Variants in CSNK1D observed in about 807,000 individuals in gnomAD.
CSNK1D encodes the protein casein kinase I isoform delta.
In CSNK1D, 16 loss-of-function variants were observed where a neutral mutation model predicts 46.6. The observed-to-expected ratio is 0.34, with a 90% CI of 0.23 to 0.52. The LOEUF is 0.52. Among genes scored for constraint, CSNK1D ranks in the 20% least tolerant of loss-of-function variants. CSNK1D has a pLI of 0.95. For synonymous variants in CSNK1D, 276 were observed against 228.2 expected (o/e 1.21, Z -1.89); for missense variants, 398 against 578.4 (o/e 0.69, Z 3.20).
At chr17:82,262,130 GTTTC>G (rs1279074984) in intron 2 of CSNK1D, among the ~76,000 whole-genome samples, 2 of 152,214 alleles carry the variant, frequency 1.3e-5, no homozygotes, top group Non-Finnish European at 2.9e-5. Context: ...GCTACTTTTA[GTTTC>G]TTTCTACTAT....
At chr17:82,268,765 A>C (rs1393796205) in intron 1 of CSNK1D, among the ~76,000 whole-genome samples, 1 of 152,162 alleles carries the variant, frequency 6.6e-6, no homozygotes, top group Non-Finnish European at 1.5e-5. Flanking sequence ...TTAGTCCTAC[A>C]AAAACAAAAT....
Position 82,273,497 on chromosome 17 carries a change from A to C in CSNK1D, c.-116T>G. On this transcript the variant is annotated 5_prime_UTR_variant, in exon 1 of 9. The change abolishes the stop of an existing upstream ORF in the 5' untranslated region. Coordinates refer to ENST00000314028, the MANE Select transcript of CSNK1D (RefSeq NM_001893.6). This position sits in a 1 kb window ranked among gnomAD's most constrained non-coding sequence, Gnocchi z 5.1. ...TCCGGCTCCCGGCTCCGCCCCCCTC[A>C]CGGCCCCGCTTTCACCATCGCTTTC... 1 of 1,269,390 alleles carries C rather than the reference A, an allele frequency of 7.9e-7. No individual in the cohort carries two copies. The highest frequency in any genetic ancestry group is 1.1e-6 in the Non-Finnish European group (1 of 906,570). 78.6% of individuals were successfully genotyped at this position (1,269,390 alleles called of 1,614,324 possible).
At chr17:82,265,178 ATTTT>A (rs111692114) in intron 2 of CSNK1D, 3 of 175,168 alleles carry the variant, frequency 1.7e-5, no homozygotes, top group Admixed American at 1.2e-4. Flanking sequence ...ATGGTATAAG[ATTTT>A]TTTTTTTTTT....
intron 2 of CSNK1D, among the ~76,000 whole-genome samples, chr17:82,261,377 C>G (rs1426638588): frequency 2.6e-5 from 4 of 152,158 alleles, no homozygotes; most frequent in Non-Finnish European, 5.9e-5. Context: ...ACTTTTCCCT[C>G]ATGGTGCCCG....
At chr17:82,273,746 C>T (rs2147240378), upstream of CSNK1D, 1 of 474,264 alleles carries the variant, frequency 2.1e-6, no homozygotes, top group African/African-American at 2.1e-5. This position sits in a 1 kb window ranked among gnomAD's most constrained non-coding sequence, Gnocchi z 5.1. Context: ...CCGCGGCGCT[C>T]CAGGGGCGGG....
intron 2 of CSNK1D, among the ~76,000 whole-genome samples, chr17:82,260,366 G>A (rs866003566): frequency 2.7e-5 from 2 of 74,272 alleles, no homozygotes; most frequent in African/African-American, 1.1e-4. Flanking sequence ...GATGGTGTAC[G>A]GACTGATGTG....
intron 2 of CSNK1D, among the ~76,000 whole-genome samples, chr17:82,258,889 A>G (rs888209780): frequency 1.2e-4 from 19 of 152,238 alleles, no homozygotes; most frequent in Non-Finnish European, 2.8e-4. Flanking sequence ...CACACAAAGT[A>G]TCATCACGAC....
intron 1 of CSNK1D, among the ~76,000 whole-genome samples, chr17:82,271,538 T>A (rs182066478): frequency 4.1e-4 from 62 of 152,312 alleles, no homozygotes; most frequent in Admixed American, 2.8e-3. Context: ...CAAGAACACA[T>A]CCAGCTGACC....
intron 1 of CSNK1D, among the ~76,000 whole-genome samples, chr17:82,269,800 C>G (rs2051572630): frequency 6.6e-6 from 1 of 152,274 alleles, no homozygotes; most frequent in Non-Finnish European, 1.5e-5. Context: ...AGGCCTCTCC[C>G]TCTAGCCTAG....
At chr17:82,257,904 TGTATTCC>T (rs1470372402) in intron 2 of CSNK1D, among the ~76,000 whole-genome samples, 18 of 152,194 alleles carry the variant, frequency 1.2e-4, no homozygotes, top group Non-Finnish European at 2.4e-4. Context: ...AGATTTCGAC[TGTATTCC>T]ACCGTCGAAA....
rs888454752 is a variant in CSNK1D at position 82,273,652 on chromosome 17, G to A, written c.-271C>T. On this transcript the variant is annotated 5_prime_UTR_variant, in exon 1 of 9. Coordinates refer to ENST00000314028, the MANE Select transcript of CSNK1D (RefSeq NM_001893.6). The surrounding 1 kb of genome is among the most constrained non-coding windows in gnomAD (Gnocchi z 5.1). ...CCGCGGATGGACTCGGATCTTCCGG[G>A]CCTAAATCCCCTTTCAGCTGCCTAA... 1.2e-4 allele frequency: 68 copies of A among 546,240 alleles called. No homozygotes were observed. Among genetic ancestry groups the A allele is most frequent in the East Asian group, 2.0e-4 (6 of 30,308 alleles). 33.8% of individuals were successfully genotyped at this position (546,240 alleles called of 1,614,324 possible).
rs1268668040 is a variant in CSNK1D, at chr17:82,255,180, T to C, written c.336+249A>G. 1 of 520,178 alleles carries C rather than the reference T, an allele frequency of 1.9e-6. No homozygotes were observed. Among genetic ancestry groups the C allele is most frequent in the Non-Finnish European group, 3.4e-6 (1 of 290,622 alleles). The allele number at this position is 520,178 out of a possible 1,614,324, so 32.2% of individuals were successfully genotyped here. A position where few individuals can be genotyped will look rare whatever the true frequency, so the allele number is the denominator to read the frequency against. ...GGCCGCCGGAGCCTCGAGAAGCCAG[T>C]GAGCTGGGCCGCCGGAGCCTCGAGA... On this transcript the variant is annotated intron_variant, in intron 3 of 8. Transcript: ENST00000314028. The surrounding 1 kb of genome is among the most constrained non-coding windows in gnomAD (Gnocchi z 5.9).
intron 2 of CSNK1D, among the ~76,000 whole-genome samples, chr17:82,261,833 C>T (rs866012598): frequency 6.6e-6 from 1 of 152,218 alleles, no homozygotes; most frequent in Non-Finnish European, 1.5e-5. Context: ...GGAAGACAGT[C>T]GCCCACCCTC....
In CSNK1D at chr17:82,248,646, A is replaced by T; in HGVS notation, c.1197+229T>A. 2 of 1,387,854 alleles carry T rather than the reference A, an allele frequency of 1.4e-6. No homozygotes were observed. Among genetic ancestry groups the T allele is most frequent in the Non-Finnish European group, 1.9e-6 (2 of 1,069,168 alleles). 86.0% of individuals were successfully genotyped at this position (1,387,854 alleles called of 1,614,324 possible). On this transcript the variant is annotated intron_variant, in intron 8 of 8. Transcript: ENST00000314028. This position sits in a 1 kb window ranked among gnomAD's most constrained non-coding sequence, Gnocchi z 4.1. ...GCTGGCCTCAGGGACCTGAGACCTG[A>T]GACTGGCCACCTGCAACCAGGAGAC... is the stretch of plus-strand genomic sequence containing the variant.
intron 2 of CSNK1D, among the ~76,000 whole-genome samples, chr17:82,262,659 C>T (rs979613622): frequency 6.6e-6 from 1 of 152,134 alleles, no homozygotes; most frequent in Non-Finnish European, 1.5e-5. Context: ...CAATCTGTAC[C>T]ACCCATAACA....
intron 1 of CSNK1D, among the ~76,000 whole-genome samples, chr17:82,269,747 C>G (rs1042338265): frequency 6.6e-6 from 1 of 152,240 alleles, no homozygotes; most frequent in Non-Finnish European, 1.5e-5. Context: ...CAGCTGGGCT[C>G]TCACTGCCTC....
chr17:82,241,421 C>T (rs2050740531), downstream of CSNK1D, among the ~76,000 whole-genome samples: 1 of 152,242 alleles, frequency 6.6e-6, no homozygotes, highest in Non-Finnish European at 1.5e-5. Flanking sequence ...AGGACACAGA[C>T]CCAGCCAGAC....
chr17:82,239,903 C>T (rs760441230), downstream of CSNK1D: 1 of 952,826 alleles, frequency 1.0e-6, no homozygotes, highest in South Asian at 5.4e-5. Flanking sequence ...TCCTGGACAC[C>T]TAACACCCAC....
rs191286760 is a variant in CSNK1D at position 82,254,959 on chromosome 17, G to A, written c.336+470C>T. On this transcript the variant is annotated intron_variant, in intron 3 of 8. Coordinates refer to ENST00000314028, the MANE Select transcript of CSNK1D (RefSeq NM_001893.6). Reference sequence around the variant, plus strand: ...CATCGGAGCCTCGACAAGCCAGTGAGCTGAGCCGCCGGAGCCTCCAGAAGC... The same window carrying A: ...CATCGGAGCCTCGACAAGCCAGTGAACTGAGCCGCCGGAGCCTCCAGAAGC... Among the ~76,000 whole-genome samples, 1,046 of 142,008 alleles carry A rather than the reference G, an allele frequency of 7.4e-3. 8 individuals carry two copies. The highest frequency in any genetic ancestry group is 0.014 in the South Asian group (59 of 4,342). 93.2% of individuals were successfully genotyped at this position (142,008 alleles called of 152,430 possible).
Sources: gnomAD v4.1 joint callset for allele counts (sites outside exome capture counted in the v4.1 genomes callset) on GRCh38, gnomAD v4.1.1 for gene constraint, Gnocchi (gnomAD v3.1) non-coding constraint, MANE v1.5 for transcripts, NCBI Gene and HGNC (gene_info 2026-07-23, HGNC 2026-07-21) for gene names.